PCDH15: variants seen among roughly 807,000 people sequenced by gnomAD.
PCDH15 encodes protocadherin related 15.
A neutral mutation model predicts 178.5 loss-of-function variants in PCDH15; 129 were observed. The observed-to-expected ratio is 0.72, with a 90% CI of 0.63 to 0.84. The LOEUF is 0.84. Among genes scored for constraint, PCDH15 ranks in the 40% least tolerant of loss-of-function variants. The pLI, the probability that PCDH15 is intolerant of heterozygous loss-of-function variation, is 0.00. For missense variants in PCDH15, 2,230 were observed against 2,099.9 expected (o/e 1.06, Z -1.21); for synonymous variants, 800 against 732.0 (o/e 1.09, Z -1.50).
At chr10:53,821,896 T>C (rs1376208579) in intron 32 of PCDH15, 4 of 1,613,602 alleles carry the variant, frequency 2.5e-6, no homozygotes. Flanking sequence ...TGTTTTTCAG[T>C]TCCCTCGACA....
chr10:54,367,516 G>C (rs573110452), intron 5 of PCDH15, among the ~76,000 whole-genome samples: 2 of 152,120 alleles, frequency 1.3e-5, no homozygotes, highest in African/African-American at 2.4e-5. Context: ...TAGTGACATG[G>C]ATGAGGCTGG....
intron 2 of PCDH15, among the ~76,000 whole-genome samples, chr10:55,436,231 A>G (rs1236345347): frequency 6.6e-6 from 1 of 152,256 alleles, no homozygotes; most frequent in East Asian, 1.9e-4. Flanking sequence ...AAGGCCCTGG[A>G]TTTCCAATTC....
intron 3 of PCDH15, among the ~76,000 whole-genome samples, chr10:54,424,748 C>T (rs1956038257): frequency 1.3e-5 from 2 of 151,288 alleles, no homozygotes; most frequent in African/African-American, 4.9e-5. Context: ...TCTGAGCAAA[C>T]TATCACAAGG....
chr10:54,708,849 A>G (rs1051981302), intron 1 of PCDH15, among the ~76,000 whole-genome samples: 2 of 151,836 alleles, frequency 1.3e-5, no homozygotes, highest in Non-Finnish European at 2.9e-5. Flanking sequence ...GCTTAAATAG[A>G]TTTTCATAAC....
intron 2 of PCDH15, among the ~76,000 whole-genome samples, chr10:54,532,714 G>A (rs1475893062): frequency 6.6e-6 from 1 of 151,732 alleles, no homozygotes; most frequent in African/African-American, 2.4e-5. Flanking sequence ...AAGTACAGCA[G>A]GTCCTTGAAT....
chr10:54,229,377 T>C (rs943782862), intron 9 of PCDH15, among the ~76,000 whole-genome samples: 1 of 152,210 alleles, frequency 6.6e-6, no homozygotes, highest in Admixed American at 6.5e-5. Context: ...TTAGAGTGTG[T>C]ACTCAAAAAT....
At chr10:54,447,353 T>C (rs1565300821) in intron 3 of PCDH15, among the ~76,000 whole-genome samples, 1 of 151,694 alleles carries the variant, frequency 6.6e-6, no homozygotes, top group African/African-American at 2.4e-5. Context: ...CCTGGCTAAC[T>C]GGAATTTTGT....
intron 3 of PCDH15, among the ~76,000 whole-genome samples, chr10:54,830,873 A>T (rs956333148): frequency 1.3e-5 from 2 of 152,078 alleles, no homozygotes; most frequent in African/African-American, 4.8e-5. Context: ...AAAGAACTCC[A>T]GCAAATCACT....
At chr10:54,090,398 T>G (rs2094580472) in intron 15 of PCDH15, among the ~76,000 whole-genome samples, 1 of 152,192 alleles carries the variant, frequency 6.6e-6, no homozygotes, top group Non-Finnish European at 1.5e-5. Flanking sequence ...ATCCTAGCAC[T>G]TTGGGAGGCC....
chr10:54,417,390 A>G (rs2135745551), intron 3 of PCDH15, among the ~76,000 whole-genome samples: 1 of 151,380 alleles, frequency 6.6e-6, no homozygotes, highest in East Asian at 1.9e-4. Context: ...GGGGAGTGAT[A>G]GAATAGAAAA....
intron 2 of PCDH15, among the ~76,000 whole-genome samples, chr10:55,349,623 C>T (rs1359839970): frequency 6.6e-6 from 1 of 151,598 alleles, no homozygotes; most frequent in Non-Finnish European, 1.5e-5. Context: ...CAAATGGTAA[C>T]TAAAAAAAAG....
At chr10:54,626,383 G>A (rs889426694) in intron 2 of PCDH15, among the ~76,000 whole-genome samples, 1 of 152,148 alleles carries the variant, frequency 6.6e-6, no homozygotes, top group Non-Finnish European at 1.5e-5. Flanking sequence ...GGAGAAAATG[G>A]TTTCATGGGC....
chr10:54,631,907 C>T (rs141054606), intron 2 of PCDH15, among the ~76,000 whole-genome samples: 3 of 151,984 alleles, frequency 2.0e-5, no homozygotes, highest in East Asian at 3.9e-4. Flanking sequence ...TAGGGGAAAC[C>T]GCCCCCGTGA....
At chr10:54,712,522 A>T (rs1193099390) in intron 1 of PCDH15, among the ~76,000 whole-genome samples, 1 of 151,978 alleles carries the variant, frequency 6.6e-6, no homozygotes, top group East Asian at 1.9e-4. Flanking sequence ...AAAATGTCTC[A>T]TATTTATAGC....
intron 21 of PCDH15, among the ~76,000 whole-genome samples, chr10:53,991,373 C>T (rs2091470126): frequency 6.6e-6 from 1 of 152,006 alleles, no homozygotes; most frequent in Admixed American, 6.6e-5. Flanking sequence ...GTGGATGCAC[C>T]AATCAGCACT....
chr10:55,150,783 T>C (rs1440793911), intron 2 of PCDH15, among the ~76,000 whole-genome samples: 1 of 152,156 alleles, frequency 6.6e-6, no homozygotes, highest in Non-Finnish European at 1.5e-5. Flanking sequence ...TACTAGTAGT[T>C]GCTCAGAAAG....
At chr10:54,356,058 A>G (rs1944925341) in intron 5 of PCDH15, among the ~76,000 whole-genome samples, 1 of 152,098 alleles carries the variant, frequency 6.6e-6, no homozygotes, top group Non-Finnish European at 1.5e-5. Context: ...CCCACAATAT[A>G]GCTTTAATAC....
At chr10:55,097,689 T>TAGATAGATAGATAGAGAGAC (rs1842479030) in intron 2 of PCDH15, among the ~76,000 whole-genome samples, 1 of 149,568 alleles carries the variant, frequency 6.7e-6, no homozygotes, top group Non-Finnish European at 1.5e-5. Context: ...AGTCACCAGA[T>TAGATAGATAGATAGAGAGAC]AGATAGATAG....
chr10:54,369,029 A>AT, intron 5 of PCDH15, 91 bp downstream of exon 5: 2 of 1,429,888 alleles, frequency 1.4e-6, no homozygotes, highest in South Asian at 2.4e-5. Context: ...TAAGCTCATA[A>AT]TTTTAAAGGA....
Sources: allele counts gnomAD v4.1 joint callset (sites outside exome capture counted in the v4.1 genomes callset), GRCh38; gene constraint gnomAD v4.1.1; transcripts MANE v1.5; gene names NCBI Gene and HGNC (gene_info 2026-07-23, HGNC 2026-07-21).